TENM1: variants seen among roughly 807,000 people sequenced by gnomAD.
The protein encoded by TENM1 is teneurin-1.
In TENM1, 35 loss-of-function variants were observed where a neutral mutation model predicts 174.8. The ratio of observed to expected loss-of-function variants is 0.20; its 90% CI spans 0.15 to 0.27. The LOEUF is 0.27. Among genes scored for constraint, TENM1 ranks in the 10% least tolerant of loss-of-function variants. The pLI, the probability that TENM1 is intolerant of heterozygous loss-of-function variation, is 1.00. For synonymous variants in TENM1, 781 were observed against 798.7 expected (o/e 0.98, Z 0.37); for missense variants, 1,633 against 2,130.1 (o/e 0.77, Z 4.59).
chrX:124,996,293 AAACCGT>A, the TENM1 span, among the ~76,000 whole-genome samples: 4 of 110,927 alleles, frequency 3.6e-5, no homozygotes, highest in African/African-American at 1.3e-4. Flanking sequence ...TCATGACACA[AAACCGT>A]AATTAATTGA....
intron 1 of TENM1, among the ~76,000 whole-genome samples, chrX:124,951,340 T>C (rs1336909648): frequency 1.8e-5 from 2 of 110,980 alleles, no homozygotes; most frequent in African/African-American, 6.5e-5. Flanking sequence ...TCTATATCTA[T>C]AGTCTAGTGC....
intron 18 of TENM1, among the ~76,000 whole-genome samples, chrX:124,518,715 A>G (rs1414823624): frequency 8.9e-6 from 1 of 111,838 alleles, no homozygotes; most frequent in Non-Finnish European, 1.9e-5. Context: ...ATAGATGGAG[A>G]AACTGTGGCA....
At chrX:124,899,283 C>G (rs888665688) in intron 1 of TENM1, among the ~76,000 whole-genome samples, 6 of 111,671 alleles carry the variant, frequency 5.4e-5, no homozygotes, top group Non-Finnish European at 1.1e-4. Flanking sequence ...GCCCTGACTT[C>G]TGGGCTCAGG....
At chrX:124,643,906 T>TG (rs1347856060) in intron 10 of TENM1, among the ~76,000 whole-genome samples, 1 of 107,577 alleles carries the variant, frequency 9.3e-6, no homozygotes, top group Non-Finnish European at 1.9e-5. Flanking sequence ...TAACACTGTG[T>TG]GGGTCTATAT....
At chrX:124,958,712 T>C (rs2058612997) in intron 1 of TENM1, among the ~76,000 whole-genome samples, 1 of 111,451 alleles carries the variant, frequency 9.0e-6, no homozygotes, top group African/African-American at 3.3e-5. Context: ...TGGCAAGTTA[T>C]GTCTCTCCAA....
chrX:124,600,726 G>A (rs892566957), intron 11 of TENM1, among the ~76,000 whole-genome samples: 11 of 111,355 alleles, frequency 9.9e-5, no homozygotes, highest in Non-Finnish European at 1.7e-4. Flanking sequence ...CAAATTGAGG[G>A]GCTTTGTATA....
chrX:124,909,009 C>T (rs1191124674), intron 1 of TENM1, among the ~76,000 whole-genome samples: 3 of 110,952 alleles, frequency 2.7e-5, no homozygotes, highest in African/African-American at 9.9e-5. Context: ...TAGGCACCCG[C>T]CACCATGCTT....
At chrX:124,642,060 A>G in intron 10 of TENM1, 69 bp from the exon 14 acceptor site, 20 of 764,353 alleles carry the variant, frequency 2.6e-5, no homozygotes, top group Non-Finnish European at 4.0e-5. Context: ...ATACCTTAGT[A>G]TGATGAAACG....
At chrX:124,944,476 T>C (rs770719943) in intron 1 of TENM1, among the ~76,000 whole-genome samples, 19 of 111,508 alleles carry the variant, frequency 1.7e-4, no homozygotes, top group African/African-American at 5.9e-4. Context: ...TATACCATTC[T>C]CACTCAGAGC....
chrX:124,815,345 C>T (rs2055873101), intron 3 of TENM1, among the ~76,000 whole-genome samples: 2 of 111,651 alleles, frequency 1.8e-5, no homozygotes, highest in Admixed American at 1.9e-4. Flanking sequence ...TCTTCAGCAT[C>T]CAAAAGACAA....
the TENM1 span, among the ~76,000 whole-genome samples, chrX:125,046,545 G>A: frequency 8.9e-6 from 1 of 112,011 alleles, no homozygotes; most frequent in Admixed American, 9.5e-5. Context: ...TCCTCAAATG[G>A]GCCAATGATG....
chrX:125,019,836 G>A, the TENM1 span, among the ~76,000 whole-genome samples: 3 of 110,590 alleles, frequency 2.7e-5, no homozygotes, highest in East Asian at 8.5e-4. Context: ...TAACTTCAAT[G>A]GATAATTATA....
chrX:124,514,615 A>G (rs2047656742), intron 18 of TENM1, among the ~76,000 whole-genome samples: 1 of 111,214 alleles, frequency 9.0e-6, no homozygotes, highest in Non-Finnish European at 1.9e-5. Flanking sequence ...CACCATCCCA[A>G]GATTGAACCA....
chrX:124,562,906 A>G (rs2148164891), intron 13 of TENM1, among the ~76,000 whole-genome samples: 1 of 112,548 alleles, frequency 8.9e-6, no homozygotes, highest in East Asian at 2.8e-4. Context: ...AAAAATCTGT[A>G]GAAGTAACCC....
intron 3 of TENM1, among the ~76,000 whole-genome samples, chrX:124,770,765 T>C (rs192533137): frequency 1.7e-3 from 186 of 110,811 alleles, no homozygotes; most frequent in African/African-American, 5.6e-3. Flanking sequence ...TACCAGTGTA[T>C]AGAAATCTTT....
the TENM1 span, among the ~76,000 whole-genome samples, chrX:125,090,730 T>G: frequency 9.0e-6 from 1 of 110,813 alleles, no homozygotes; most frequent in African/African-American, 3.3e-5. Flanking sequence ...GGAAAAGGTG[T>G]CATATGGAGG....
intron 4 of TENM1, among the ~76,000 whole-genome samples, chrX:124,732,858 C>T (rs73215144): frequency 0.034 from 3,826 of 112,032 alleles, 77 homozygotes; most frequent in East Asian, 0.087. Context: ...ACTGCTGAGT[C>T]TTATTAATGC....
intron 28 of TENM1, 33 bp downstream of exon 31, chrX:124,392,019 C>G: frequency 8.8e-7 from 1 of 1,141,846 alleles, no homozygotes; most frequent in Non-Finnish European, 1.2e-6. Context: ...CATTCAGAAA[C>G]TTGAAACTTG....
upstream of TENM1, chrX:124,963,837 A>T: frequency 1.3e-6 from 1 of 774,688 alleles, no homozygotes; most frequent in Non-Finnish European, 1.9e-6. Flanking sequence ...AAAGGGAAAA[A>T]CACAAGCCTT....
Sources: allele counts gnomAD v4.1 joint callset (sites outside exome capture counted in the v4.1 genomes callset), GRCh38; gene constraint gnomAD v4.1.1; transcripts MANE v1.5; gene names NCBI Gene and HGNC (gene_info 2026-07-23, HGNC 2026-07-21).